CCNH: variants seen among roughly 807,000 people sequenced by gnomAD.
CCNH encodes cyclin H.
In CCNH, 31 loss-of-function variants were observed where a neutral mutation model predicts 41.9. The ratio of observed to expected loss-of-function variants is 0.74; its 90% CI spans 0.56 to 1.00. CCNH has a LOEUF of 1.00. Among genes scored for constraint, CCNH ranks in the 50% least tolerant of loss-of-function variants. The pLI, the probability that CCNH is intolerant of heterozygous loss-of-function variation, is 0.00. For missense variants in CCNH, 362 were observed against 388.4 expected (o/e 0.93, Z 0.57); for synonymous variants, 138 against 136.1 (o/e 1.01, Z -0.10).
chr5:87,374,667 C>T (rs951702326), downstream of CCNH, among the ~76,000 whole-genome samples: 8 of 151,012 alleles, frequency 5.3e-5, no homozygotes, highest in Non-Finnish European at 1.0e-4. Flanking sequence ...GTGTAATCTG[C>T]GTGTCTTCTG....
chr5:87,385,304 C>T (rs574953066), intron 9 of CCNH: 1 of 1,601,978 alleles, frequency 6.2e-7, no homozygotes, highest in South Asian at 1.1e-5. Flanking sequence ...GTTACAGATT[C>T]TCCATCTCCT....
chr5:87,317,572 G>A (rs1190920193), downstream of CCNH, among the ~76,000 whole-genome samples: 1 of 150,150 alleles, frequency 6.7e-6, no homozygotes, highest in Non-Finnish European at 1.5e-5. Context: ...CCTATCTTTT[G>A]TCTCTTCTGT....
At position 87,404,925 on chromosome 5, in the gene CCNH, G is replaced by A. The variant is rs1483834494; in HGVS notation, c.608C>T (p.Ala203Val). 1 of 1,613,036 alleles carries A rather than the reference G, an allele frequency of 6.2e-7. No homozygotes were observed. The highest frequency in any genetic ancestry group is 1.1e-5 in the South Asian group (1 of 91,052). Residue 203 changes from alanine (A) to valine (V), a missense_variant, in exon 5 of 9, where the codon GCT becomes GTT. Ala to Val is a moderately conservative substitution (Grantham distance 64, BLOSUM62 0). Transcript: ENST00000256897. Reference sequence around the variant, plus strand: ...TTGGGAAGGTGTGTATAAAAGGTAAGCATCCGTCAATGCAATTCTATTAAG... The same window carrying A: ...TTGGGAAGGTGTGTATAAAAGGTAAACATCCGTCAATGCAATTCTATTAAG... Reference protein sequence around the residue: ...DFLNRIALTDAYLLYTPSQIA... With the variant: ...DFLNRIALTDVYLLYTPSQIA...
chr5:87,390,488 A>T (rs1762424880), downstream of CCNH, among the ~76,000 whole-genome samples: 1 of 152,114 alleles, frequency 6.6e-6, no homozygotes, highest in South Asian at 2.1e-4. Flanking sequence ...TATTAAATAA[A>T]AAAAGCCTTT....
At chr5:87,386,077 A>G (rs1387291216) in intron 9 of CCNH, among the ~76,000 whole-genome samples, 2 of 152,018 alleles carry the variant, frequency 1.3e-5, no homozygotes, top group African/African-American at 4.8e-5. Context: ...ATTGCTCCTC[A>G]CAGCCTTGCC....
intron 9 of CCNH, among the ~76,000 whole-genome samples, chr5:87,334,893 T>C (rs1039701403): frequency 1.3e-5 from 2 of 152,214 alleles, no homozygotes; most frequent in African/African-American, 4.8e-5. Flanking sequence ...TTGTTCCTTT[T>C]TTTTTTTTGA....
At chr5:87,400,155 A>C (rs1034042151) in intron 6 of CCNH, among the ~76,000 whole-genome samples, 11 of 152,166 alleles carry the variant, frequency 7.2e-5, no homozygotes, top group Non-Finnish European at 1.5e-4. Flanking sequence ...GAATGATGAG[A>C]GATCCAATGG....
intron 4 of CCNH, among the ~76,000 whole-genome samples, chr5:87,405,900 A>G (rs1375733632): frequency 1.3e-5 from 2 of 152,020 alleles, no homozygotes; most frequent in African/African-American, 4.8e-5. Context: ...GAGGGCTGCC[A>G]GAGAAAACCA....
chr5:87,395,039 C>G lies in CCNH; in HGVS notation c.933+5G>C. ...CTTAGAGTTCATCTTTGGAGTAAAA[C>G]ATACCTCCTCATGTTTGGATTTCTT... On this transcript the variant is annotated splice_donor_5th_base_variant and intron_variant, in intron 8 of 8. Transcript: ENST00000256897. 1 of 1,609,182 alleles carries G rather than the reference C, an allele frequency of 6.2e-7. No homozygotes were observed. Among genetic ancestry groups the G allele is most frequent in the Non-Finnish European group, 8.5e-7 (1 of 1,175,900 alleles).
chr5:87,408,168 C>T lies in CCNH; in HGVS notation c.333G>A (p.Leu111=). The T allele has an allele frequency of 5.4e-6, 7 of 1,292,712 alleles. No homozygotes were observed. The highest frequency in any genetic ancestry group is 7.1e-6 in the Non-Finnish European group (7 of 982,172). 80.1% of individuals were successfully genotyped at this position (1,292,712 alleles called of 1,614,324 possible). The change falls in exon 4 of 9, where the codon TTG becomes TTA. Residue 111 remains leucine, a synonymous_variant. Coordinates refer to ENST00000256897, the MANE Select transcript of CCNH (RefSeq NM_001239.4). ...PRIIMLTCAF[L]ACKVDEFNVS... The stretch of plus-strand genomic sequence containing the variant: ...CATTGAATTCATCTACTTTGCAGGC[C>T]AAAAATGCACAAGTGAGCCTAGAGG...
downstream of CCNH, chr5:87,372,048 A>AT: frequency 6.9e-7 from 1 of 1,441,996 alleles, no homozygotes; most frequent in Non-Finnish European, 9.5e-7. Context: ...TGAAAAAAAA[A>AT]ACCTAACTGA....
At chr5:87,326,558 AAG>A (rs1222281233) in intron 9 of CCNH, among the ~76,000 whole-genome samples, 3 of 152,182 alleles carry the variant, frequency 2.0e-5, no homozygotes, top group Admixed American at 2.0e-4. Context: ...GGCAAAGAAG[AAG>A]AGAGAGGGAG....
At chr5:87,378,329 A>T, upstream of CCNH, 1 of 1,556,846 alleles carries the variant, frequency 6.4e-7, no homozygotes, top group Non-Finnish European at 8.9e-7. Flanking sequence ...GAATTCACTT[A>T]ATTTCCAATT....
intron 7 of CCNH, 35 bp downstream of exon 7, chr5:87,399,359 T>C (rs749822247): frequency 7.0e-7 from 1 of 1,423,796 alleles, no homozygotes; most frequent in East Asian, 2.3e-5. Flanking sequence ...GGATAACAGT[T>C]ATGTCTATTG....
At chr5:87,411,511 T>G (rs555691996) in intron 1 of CCNH, among the ~76,000 whole-genome samples, 165 bp from the exon 2 acceptor site, 1 of 152,232 alleles carries the variant, frequency 6.6e-6, no homozygotes, top group African/African-American at 2.4e-5. Context: ...AAAATAGCTG[T>G]AGGAAAATAT....
intron 9 of CCNH, among the ~76,000 whole-genome samples, chr5:87,364,894 G>C (rs1168481539): frequency 6.6e-6 from 1 of 152,140 alleles, no homozygotes; most frequent in Non-Finnish European, 1.5e-5. Context: ...AGAATGAGGA[G>C]ACCCTTTTGT....
intron 9 of CCNH, chr5:87,362,476 T>C (rs2112455889): frequency 2.8e-6 from 4 of 1,453,936 alleles, no homozygotes; most frequent in African/African-American, 1.4e-5. Flanking sequence ...TGGCTTTTAA[T>C]TGGTACTTTT....
chr5:87,338,533 A>ATATATATATATATATATATAT (rs1491365794), intron 9 of CCNH, among the ~76,000 whole-genome samples: 29 of 91,258 alleles, frequency 3.2e-4, no homozygotes, highest in East Asian at 8.6e-4. Flanking sequence ...ATATATATAT[A>ATATATATATATATATATATAT]AAATTTTTTT....
At chr5:87,408,216 AG>A in intron 3 of CCNH, 30 bp from the exon 4 acceptor site, 2 of 573,214 alleles carry the variant, frequency 3.5e-6, no homozygotes, top group Non-Finnish European at 6.4e-6. Context: ...GGCAGGAGGC[AG>A]GGGGTGGGTG....
Sources: allele counts gnomAD v4.1 joint callset (sites outside exome capture counted in the v4.1 genomes callset), GRCh38; gene constraint gnomAD v4.1.1; transcripts MANE v1.5; gene names NCBI Gene and HGNC (gene_info 2026-07-23, HGNC 2026-07-21).